TENT4B: variants seen among roughly 807,000 people sequenced by gnomAD.
TENT4B encodes the protein terminal nucleotidyltransferase 4B.
In TENT4B, 10 loss-of-function variants were observed where a neutral mutation model predicts 75.0. The ratio of observed to expected loss-of-function variants is 0.13; its 90% CI spans 0.08 to 0.23. The LOEUF is 0.23. Among genes scored for constraint, TENT4B ranks in the 10% least tolerant of loss-of-function variants. The pLI is 1.00. For missense variants in TENT4B, 579 were observed against 893.8 expected, an observed-to-expected ratio of 0.65 and a Z score of 4.49; for synonymous variants, 350 against 357.7, an observed-to-expected ratio of 0.98 and a Z score of 0.24.
At chr16:50,170,423 T>C (rs1467026103) in intron 1 of TENT4B, among the ~76,000 whole-genome samples, 1 of 152,180 alleles carries the variant, frequency 6.6e-6, no homozygotes, top group Non-Finnish European at 1.5e-5. Context: ...GGGAGTGAAT[T>C]TGTCCAGTGA....
intron 1 of TENT4B, among the ~76,000 whole-genome samples, chr16:50,203,607 C>T (rs1281527541): frequency 2.6e-5 from 4 of 152,206 alleles, no homozygotes; most frequent in Non-Finnish European, 4.4e-5. Flanking sequence ...TTAAGGACAG[C>T]GGACATCTAT....
At chr16:50,199,479 G>A (rs760562629) in intron 1 of TENT4B, among the ~76,000 whole-genome samples, 1 of 152,160 alleles carries the variant, frequency 6.6e-6, no homozygotes, top group Non-Finnish European at 1.5e-5. Context: ...TTCAATAAAG[G>A]GTGCTGGACA....
chr16:50,217,762 C>CTCTCTCTCTCTCTCTCTT, intron 5 of TENT4B, 99 bp downstream of exon 5: 1 of 606,124 alleles, frequency 1.6e-6, no homozygotes, highest in Non-Finnish European at 2.9e-6. Flanking sequence ...ATGTTGCTGT[C>CTCTCTCTCTCTCTCTCTT]TCTCTCTCTC....
intron 1 of TENT4B, among the ~76,000 whole-genome samples, chr16:50,181,464 A>ATT (rs35488041): frequency 1.1e-3 from 124 of 109,792 alleles, no homozygotes; most frequent in South Asian, 2.9e-3. Context: ...CAGCTATTGT[A>ATT]TTTTTTTTTT....
intron 1 of TENT4B, among the ~76,000 whole-genome samples, chr16:50,162,949 T>TA (rs2038028680): frequency 6.6e-6 from 1 of 152,194 alleles, no homozygotes; most frequent in Admixed American, 6.5e-5. Context: ...AAAGTTTTCT[T>TA]ACAGTATTTT....
intron 8 of TENT4B, 29 bp downstream of exon 8, chr16:50,224,812 G>A (rs2031975102): frequency 6.2e-7 from 1 of 1,613,070 alleles, no homozygotes; most frequent in African/African-American, 1.3e-5. Context: ...CCAGCCCATT[G>A]TGTCAAAATT....
At chr16:50,172,475 A>T (rs1280211597) in intron 1 of TENT4B, among the ~76,000 whole-genome samples, 1 of 150,280 alleles carries the variant, frequency 6.7e-6, no homozygotes, top group Non-Finnish European at 1.5e-5. Context: ...GAGTATATGG[A>T]GGGTTGACTA....
At chr16:50,219,816 C>T (rs1360240834) in intron 5 of TENT4B, among the ~76,000 whole-genome samples, 2 of 149,946 alleles carry the variant, frequency 1.3e-5, no homozygotes, top group Non-Finnish European at 3.0e-5. Context: ...CCTTCTGCTT[C>T]CTTTTTTTCC....
Position 50,233,663 on chromosome 16 carries a change from T to G in TENT4B, c.*4335T>G, listed in dbSNP as rs2032362984. The G allele has an allele frequency of 2.0e-6, 2 of 981,690 alleles. No individual in the cohort carries two copies. The highest frequency in any genetic ancestry group is 5.2e-4 in the Middle Eastern group (1 of 1,912). The allele number at this position is 981,690 out of a possible 1,614,324, so 60.8% of individuals were successfully genotyped here. On this transcript the variant is annotated 3_prime_UTR_variant, in exon 12 of 12. Transcript: ENST00000561678. The stretch of plus-strand genomic sequence containing the variant: ...TAGTTAATAAACTGCTAATGTTTAT[T>G]TTACTGTCTCTCAGGTTTTTGGTTT...
chr16:50,233,080 A>G lies in TENT4B; in HGVS notation c.*3752A>G. ...CATTCTCAAAGTATTTTATGAGCAA[A>G]ATATTCTATAAATGCGTCTAACAAA... is the stretch of plus-strand genomic sequence containing the variant. On this transcript the variant is annotated 3_prime_UTR_variant, in exon 12 of 12. Transcript: ENST00000561678. The G allele has an allele frequency of 1.0e-6, 1 of 984,570 alleles. No homozygotes were observed. The highest frequency in any genetic ancestry group is 1.2e-6 in the Non-Finnish European group (1 of 829,116). The allele number at this position is 984,570 out of a possible 1,614,324, so 61.0% of individuals were successfully genotyped here. A position where few individuals can be genotyped will look rare whatever the true frequency, so the allele number is the denominator to read the frequency against.
intron 1 of TENT4B, among the ~76,000 whole-genome samples, chr16:50,156,783 G>C (rs185311486): frequency 6.6e-6 from 1 of 152,026 alleles, no homozygotes; most frequent in Non-Finnish European, 1.5e-5. Flanking sequence ...GCTTCCTGGA[G>C]TAGCTGGGAC....
chr16:50,220,672 A>G (rs1364062029), intron 5 of TENT4B, among the ~76,000 whole-genome samples: 1 of 151,840 alleles, frequency 6.6e-6, no homozygotes, highest in Non-Finnish European at 1.5e-5. Flanking sequence ...GGGACTACAT[A>G]TGTGTGCCAC....
intron 4 of TENT4B, among the ~76,000 whole-genome samples, chr16:50,216,471 G>A (rs2031559498): frequency 6.6e-6 from 1 of 152,046 alleles, no homozygotes; most frequent in African/African-American, 2.4e-5. Context: ...TGCCATGCCT[G>A]GCTAATTTTG....
chr16:50,230,994 C>G lies in TENT4B; in HGVS notation c.*1666C>G. The G allele has an allele frequency of 1.0e-6, 1 of 983,052 alleles. No homozygotes were observed. The highest frequency in any genetic ancestry group is 1.2e-6 in the Non-Finnish European group (1 of 827,414). 60.9% of individuals were successfully genotyped at this position (983,052 alleles called of 1,614,324 possible). A position where few individuals can be genotyped will look rare whatever the true frequency, so the allele number is the denominator to read the frequency against. Reference sequence around the variant, plus strand: ...CATTTATGAAATACTGAAGACCAATCAGACCATTAATGGACACTTAGTGTA... The same window carrying G: ...CATTTATGAAATACTGAAGACCAATGAGACCATTAATGGACACTTAGTGTA... On this transcript the variant is annotated 3_prime_UTR_variant, in exon 12 of 12. Coordinates refer to ENST00000561678, the MANE Select transcript of TENT4B (RefSeq NM_001365324.3).
At chr16:50,222,237 A>AT in intron 5 of TENT4B, 69 bp from the exon 6 acceptor site, 1 of 1,399,442 alleles carries the variant, frequency 7.1e-7, no homozygotes, top group Non-Finnish European at 9.7e-7. Flanking sequence ...GGACCAATTT[A>AT]TGCCCCTCTT....
chr16:50,211,943 AT>A (rs779839009), intron 2 of TENT4B, among the ~76,000 whole-genome samples: 1 of 152,090 alleles, frequency 6.6e-6, no homozygotes, highest in Non-Finnish European at 1.5e-5. Flanking sequence ...TGAAATTGCC[AT>A]TTTTCATCTC....
At chr16:50,167,423 T>A (rs1220597359) in intron 1 of TENT4B, among the ~76,000 whole-genome samples, 2 of 150,918 alleles carry the variant, frequency 1.3e-5, no homozygotes, top group Admixed American at 1.3e-4. Flanking sequence ...TTTTTTTTTC[T>A]TAAATAATTA....
At chr16:50,196,488 T>TATC (rs10536148) in intron 1 of TENT4B, among the ~76,000 whole-genome samples, 14,581 of 149,778 alleles carry the variant, frequency 0.097, 831 homozygotes, top group African/African-American at 0.15. Context: ...AGTTTATCAT[T>TATC]ATCATCATCA....
intron 1 of TENT4B, among the ~76,000 whole-genome samples, chr16:50,158,145 G>A (rs1003438463): frequency 1.3e-4 from 19 of 151,888 alleles, no homozygotes; most frequent in African/African-American, 4.1e-4. Flanking sequence ...GGAGTGTGGT[G>A]GCACAATCTT....
Sources: gnomAD v4.1 joint callset for allele counts (sites outside exome capture counted in the v4.1 genomes callset) on GRCh38, gnomAD v4.1.1 for gene constraint, MANE v1.5 for transcripts, NCBI Gene and HGNC (gene_info 2026-07-23, HGNC 2026-07-21) for gene names.